LRIG3: variants seen among roughly 807,000 people sequenced by gnomAD.
LRIG3 encodes leucine-rich repeats and immunoglobulin-like domains protein 3.
Under a neutral mutation model 114.5 loss-of-function variants are expected in LRIG3, and 76 were observed. The ratio of observed to expected loss-of-function variants is 0.66; its 90% confidence interval spans 0.55 to 0.80. The LOEUF (loss-of-function observed/expected upper bound fraction) is 0.80. LRIG3 is among the 30% of genes least tolerant of loss of function. The pLI is 0.00. For missense variants in LRIG3, 1,239 were observed against 1,382.8 expected, an observed-to-expected ratio of 0.90 and a Z score of 1.65; for synonymous variants, 512 against 519.8, an observed-to-expected ratio of 0.98 and a Z score of 0.20.
intron 16 of LRIG3, among the ~76,000 whole-genome samples, chr12:58,875,969 T>C (rs1322909986): frequency 1.3e-5 from 2 of 152,186 alleles, no homozygotes; most frequent in Non-Finnish European, 2.9e-5. Context: ...GGAGAATCGT[T>C]TGAACCCAGC....
At chr12:58,889,398 T>C (rs1445205048) in intron 5 of LRIG3, among the ~76,000 whole-genome samples, 5 of 152,168 alleles carry the variant, frequency 3.3e-5, no homozygotes, top group African/African-American at 1.2e-4. Context: ...TGCTTTCTCT[T>C]TAAGGCAGTA....
intron 16 of LRIG3, 91 bp from the exon 17 acceptor site, chr12:58,874,664 A>T: frequency 2.6e-6 from 4 of 1,517,998 alleles, no homozygotes; most frequent in Non-Finnish European, 3.6e-6. Flanking sequence ...TTTATAGATG[A>T]AAGTTTGACT....
intron 3 of LRIG3, among the ~76,000 whole-genome samples, chr12:58,897,589 A>T (rs572369418): frequency 3.3e-5 from 5 of 152,290 alleles, no homozygotes; most frequent in African/African-American, 1.2e-4. Context: ...TTAACACAAC[A>T]ACAACAAAAA....
chr12:58,907,950 G>A (rs1345720222), intron 3 of LRIG3, among the ~76,000 whole-genome samples: 1 of 152,174 alleles, frequency 6.6e-6, no homozygotes, highest in Non-Finnish European at 1.5e-5. Flanking sequence ...CACATGCTGT[G>A]CTTGTGAAAG....
At chr12:58,896,179 G>A (rs1871636637) in intron 3 of LRIG3, among the ~76,000 whole-genome samples, 1 of 152,086 alleles carries the variant, frequency 6.6e-6, no homozygotes, top group Non-Finnish European at 1.5e-5. Context: ...TAGTTTGTTC[G>A]GATACTCTTA....
intron 3 of LRIG3, among the ~76,000 whole-genome samples, chr12:58,908,315 C>A (rs1301227569): frequency 6.6e-6 from 1 of 152,130 alleles, no homozygotes; most frequent in Non-Finnish European, 1.5e-5. Context: ...GGGAAGAGAT[C>A]AGTGTGGAAA....
intron 3 of LRIG3, among the ~76,000 whole-genome samples, chr12:58,896,430 AC>A (rs1379199318): frequency 2.0e-5 from 3 of 152,216 alleles, no homozygotes; most frequent in Non-Finnish European, 4.4e-5. Flanking sequence ...TTAGTGAGGA[AC>A]CAGAATATCA....
chr12:58,881,546 C>T (rs2120888106), intron 12 of LRIG3, among the ~76,000 whole-genome samples: 2 of 152,134 alleles, frequency 1.3e-5, no homozygotes, highest in African/African-American at 4.8e-5. Context: ...GTCAAAGCTA[C>T]ATTATAATTA....
Position 58,914,356 on chromosome 12 carries a change from A to G in LRIG3, c.237-20T>C. 6.3e-7 allele frequency: 1 copy of G among 1,585,506 alleles called. No homozygotes were observed. The highest frequency in any genetic ancestry group is 2.2e-5 in the East Asian group (1 of 44,722). Reference sequence around the variant, plus strand: ...AAGTCCCTATAAGAAAACAAAAATAAAATTATAAGTCATTTCTAAAAATCA... The same window carrying G: ...AAGTCCCTATAAGAAAACAAAAATAGAATTATAAGTCATTTCTAAAAATCA... On this transcript the variant is annotated intron_variant, in intron 1 of 18. Transcript: ENST00000320743.
Position 58,892,431 on chromosome 12 carries a change from C to T in LRIG3, c.384-1635G>A, listed in dbSNP as rs79893104. Among the ~76,000 whole-genome samples the T allele has an allele frequency of 6.6e-3, 1,003 of 152,234 alleles. 9 individuals are homozygous for T. The highest frequency in any genetic ancestry group is 0.023 in the African/African-American group (961 of 41,558). On this transcript the variant is annotated intron_variant, in intron 3 of 18. Coordinates refer to ENST00000320743, the MANE Select transcript of LRIG3 (RefSeq NM_153377.5). ...CAAAATATATCTTGTGTATTTTTTG[C>T]ACCCAAAACTGGATTTCTACAGTGT...
intron 3 of LRIG3, among the ~76,000 whole-genome samples, chr12:58,910,060 C>T (rs1385231328): frequency 1.3e-5 from 2 of 152,108 alleles, no homozygotes; most frequent in African/African-American, 2.4e-5. Context: ...TATATAATAA[C>T]CTCTCTGGAA....
At chr12:58,903,494 A>C (rs543770493) in intron 3 of LRIG3, among the ~76,000 whole-genome samples, 3 of 151,826 alleles carry the variant, frequency 2.0e-5, no homozygotes, top group East Asian at 3.9e-4. Context: ...GGTTGCAAAA[A>C]TTTTCTCCCA....
intron 3 of LRIG3, among the ~76,000 whole-genome samples, chr12:58,892,716 T>A (rs1046400787): frequency 7.9e-5 from 12 of 152,238 alleles, no homozygotes; most frequent in African/African-American, 2.2e-4. Context: ...ACTTTTCATA[T>A]ATTATGCCCT....
chr12:58,874,302 T>C lies in LRIG3; in HGVS notation c.2868A>G (p.Leu956=), dbSNP rs1870838369. 1 of 1,612,706 alleles carries C rather than the reference T, an allele frequency of 6.2e-7. No homozygotes were observed. The highest frequency in any genetic ancestry group is 1.3e-5 in the African/African-American group (1 of 74,784). ...TGCSPDPRTV[L]MDHYEPSYIK... ...TGTAACTGGGCTCATAGTGGTCCAT[T>C]AAAACTGTTCTTGGGTCAGGACTGC... The change falls in exon 18 of 19, where the codon TTA becomes TTG. Residue 956 remains leucine (L), a synonymous_variant. Coordinates refer to ENST00000320743, the MANE Select transcript of LRIG3 (RefSeq NM_153377.5).
chr12:58,893,505 C>T (rs1349188997), intron 3 of LRIG3, among the ~76,000 whole-genome samples: 1 of 152,152 alleles, frequency 6.6e-6, no homozygotes, highest in African/African-American at 2.4e-5. Flanking sequence ...GTCAAGTCAG[C>T]CATGACCTCT....
At chr12:58,895,223 A>G (rs916277692) in intron 3 of LRIG3, among the ~76,000 whole-genome samples, 8 of 152,168 alleles carry the variant, frequency 5.3e-5, no homozygotes, top group African/African-American at 1.9e-4. Flanking sequence ...CACAGAGCTT[A>G]AAGTCTAGTG....
chr12:58,872,593 C>T lies in LRIG3; in HGVS notation c.3339G>A (p.Gln1113=). 2.5e-6 allele frequency: 4 copies of T among 1,613,578 alleles called. No homozygotes were observed. Among genetic ancestry groups the T allele is most frequent in the Non-Finnish European group, 3.4e-6 (4 of 1,179,750 alleles). Residue 1113 remains glutamine (Q), a synonymous_variant, in exon 19 of 19, where the codon CAG becomes CAA. Coordinates refer to ENST00000320743, the MANE Select transcript of LRIG3 (RefSeq NM_153377.5). The stretch of plus-strand genomic sequence containing the variant: ...CAGTCTATGTGTCCAAGTCATAAGA[C>T]TGAAAATTTGGAGTCCTGTAGTTTT... ...TLENYRTPNF[Q]SYDLDT is the part of the protein sequence containing the mutation.
At position 58,872,545 on chromosome 12, in the gene LRIG3, T is replaced by C; in HGVS notation, c.*27A>G. 1 of 1,564,950 alleles carries C rather than the reference T, an allele frequency of 6.4e-7. No homozygotes were observed. Among genetic ancestry groups the C allele is most frequent in the Non-Finnish European group, 8.7e-7 (1 of 1,153,614 alleles). ...TAAAAGTTCACTTGAGGTAGTATGT[T>C]AAGCTTTTCCTTTGGTCTCATTCAG... is the stretch of plus-strand genomic sequence containing the variant. On this transcript the variant is annotated 3_prime_UTR_variant, in exon 19 of 19. Transcript: ENST00000320743.
intron 3 of LRIG3, chr12:58,913,667 A>T: frequency 4.6e-6 from 1 of 219,340 alleles, no homozygotes; most frequent in East Asian, 1.1e-4. Flanking sequence ...AGCGATACTA[A>T]AATTAAAGTC....
Sources: gnomAD v4.1 joint callset for allele counts (sites outside exome capture counted in the v4.1 genomes callset) on GRCh38, gnomAD v4.1.1 for gene constraint, MANE v1.5 for transcripts, NCBI Gene and HGNC (gene_info 2026-07-23, HGNC 2026-07-21) for gene names.